ATP6V1D: variants seen among roughly 807,000 people sequenced by gnomAD.
The protein encoded by ATP6V1D is V-type proton ATPase subunit D.
A neutral mutation model predicts 39.4 loss-of-function variants in ATP6V1D; 20 were observed. The ratio of observed to expected loss-of-function variants is 0.51; its 90% CI spans 0.36 to 0.74. ATP6V1D has a LOEUF of 0.74. Among genes scored for constraint, ATP6V1D ranks in the 30% least tolerant of loss-of-function variants. The pLI is 0.00. For missense variants in ATP6V1D, 228 were observed against 291.6 expected (o/e 0.78, Z 1.59); for synonymous variants, 100 against 100.5 (o/e 0.99, Z 0.03).
chr14:67,342,766 C>T (rs976445797), intron 7 of ATP6V1D, among the ~76,000 whole-genome samples: 1 of 151,290 alleles, frequency 6.6e-6, no homozygotes, highest in African/African-American at 2.4e-5. Flanking sequence ...ATATTTCTCA[C>T]TAGCATTAAT....
chr14:67,359,516 G>T, intron 1 of ATP6V1D, 142 bp downstream of exon 1: 2 of 881,228 alleles, frequency 2.3e-6, no homozygotes, highest in Non-Finnish European at 3.4e-6. Context: ...AGGAAGCCTC[G>T]CCCTAGACTC....
intron 1 of ATP6V1D, 136 bp downstream of exon 1, chr14:67,359,522 G>C (rs1000571710): frequency 6.0e-5 from 58 of 960,620 alleles, no homozygotes; most frequent in Non-Finnish European, 7.7e-6. Context: ...CCTCGCCCTA[G>C]ACTCAAGAAA....
chr14:67,350,468 T>C (rs2085648499), intron 3 of ATP6V1D, 143 bp downstream of exon 3: 1 of 596,810 alleles, frequency 1.7e-6, no homozygotes, highest in South Asian at 2.5e-5. Flanking sequence ...GTTAAGGTGA[T>C]GGGGTTAAAA....
chr14:67,344,946 C>T (rs1416907976), intron 6 of ATP6V1D, among the ~76,000 whole-genome samples: 1 of 149,432 alleles, frequency 6.7e-6, no homozygotes, highest in Non-Finnish European at 1.5e-5. Flanking sequence ...ATTTTGTTAA[C>T]AAGAAGAAGC....
At position 67,355,449 on chromosome 14, in the gene ATP6V1D, CAAAAAAAA is replaced by C. The variant is rs564931669; in HGVS notation, c.42-2417_42-2410del. On this transcript the variant is annotated intron_variant, in intron 1 of 8. Transcript: ENST00000216442. ...AGGATGTAGAAGTAAGACCCTGTCT[CAAAAAAAA>C]AAAAAAAAAAAAAAAAAAAAAAAGA... 1.2e-3 allele frequency among the ~76,000 whole-genome samples: 22 copies of C among 18,954 alleles called. No homozygotes were observed. The South Asian group carries it at 0.017, about 15-fold the overall frequency. 12.4% of individuals were successfully genotyped at this position (18,954 alleles called of 152,430 possible).
intron 1 of ATP6V1D, among the ~76,000 whole-genome samples, 178 bp downstream of exon 1, chr14:67,359,480 C>T (rs1458722416): frequency 6.6e-6 from 1 of 152,122 alleles, no homozygotes; most frequent in Admixed American, 6.5e-5. Flanking sequence ...CTGATTCACT[C>T]AGGAGGAATG....
At chr14:67,338,875 G>T in intron 8 of ATP6V1D, 113 bp from the exon 9 acceptor site, 3 of 828,876 alleles carry the variant, frequency 3.6e-6, no homozygotes, top group South Asian at 3.1e-5. Context: ...AAAAAAACCT[G>T]GTACTTTTAT....
chr14:67,342,700 A>G (rs115166623), intron 7 of ATP6V1D, among the ~76,000 whole-genome samples: 4,388 of 150,540 alleles, frequency 0.029, 85 homozygotes, highest in Non-Finnish European at 0.036. Flanking sequence ...CAGTTAATAT[A>G]TTTCTAACAA....
In ATP6V1D at chr14:67,349,114, A is replaced by C. The variant is rs757823049; in HGVS notation, c.240-10T>G. The C allele has an allele frequency of 3.9e-5, 63 of 1,613,278 alleles. No homozygotes were observed. The Admixed American group carries it at 1.0e-3, about 26-fold the overall frequency. ...TTGGATAACTGTAGTGCTGCAGAAA[A>C]AGAGAAAGACTTTATTTAGCAGACT... On this transcript the variant is annotated splice_polypyrimidine_tract_variant and intron_variant, in intron 3 of 8. Transcript: ENST00000216442.
intron 4 of ATP6V1D, among the ~76,000 whole-genome samples, chr14:67,347,782 G>A (rs1285315739): frequency 2.0e-5 from 3 of 152,160 alleles, no homozygotes; most frequent in Non-Finnish European, 2.9e-5. Flanking sequence ...TTACAGGTAT[G>A]AGCCACCGCG....
At chr14:67,345,677 G>A (rs2085615014) in intron 6 of ATP6V1D, 91 bp downstream of exon 6, 2 of 782,500 alleles carry the variant, frequency 2.6e-6, no homozygotes, top group Admixed American at 4.3e-5. Context: ...AAAGTACAAA[G>A]CACAGTATAT....
chr14:67,349,456 T>G (rs1417134114), intron 3 of ATP6V1D, among the ~76,000 whole-genome samples: 3 of 152,252 alleles, frequency 2.0e-5, no homozygotes, highest in Non-Finnish European at 4.4e-5. Flanking sequence ...GGTTTGCTAT[T>G]GAATTGGTTA....
rs188524727 is a variant in ATP6V1D, at chr14:67,351,449, A to C, written c.160-759T>G. On this transcript the variant is annotated intron_variant, in intron 2 of 8. Transcript: ENST00000216442. ...CTTTTCTAAGCCTTATATGTAACTC[A>C]GAAGCTATATAAAGAAAAAGACCAA... Among the ~76,000 whole-genome samples the C allele has an allele frequency of 6.6e-5, 10 of 152,348 alleles. No individual in the cohort carries two copies. In the East Asian group the frequency reaches 1.9e-3, roughly 29 times the overall value.
chr14:67,338,741 C>A lies in ATP6V1D; in HGVS notation c.624G>T (p.Lys208Asn). Reference sequence around the variant, plus strand: ...CAGATTTTTCCTTTAGAATCTTTTTCTTCTCTTGTATTTTCTTTAACCTGT... The same window carrying A: ...CAGATTTTTCCTTTAGAATCTTTTTATTCTCTTGTATTTTCTTTAACCTGT... ...EFYRLKKIQEKKKILKEKSEK... is the reference protein window; with the variant it reads ...EFYRLKKIQENKKILKEKSEK... The change falls in exon 9 of 9, where the codon AAG becomes AAT. Residue 208 changes from lysine to asparagine, a missense_variant. Lys to Asn is a moderately conservative substitution (Grantham distance 94). Around this residue, in one of 3 missense-constraint regions of ATP6V1D, gnomAD observed 114 missense variants for 128.3 expected, o/e 0.89. Transcript: ENST00000216442. The A allele has an allele frequency of 6.2e-7, 1 of 1,612,834 alleles. No homozygotes were observed. Among genetic ancestry groups the A allele is most frequent in the Admixed American group, 1.7e-5 (1 of 59,968 alleles).
intron 7 of ATP6V1D, among the ~76,000 whole-genome samples, chr14:67,341,514 G>A (rs543027228): frequency 6.6e-6 from 1 of 151,324 alleles, no homozygotes; most frequent in Non-Finnish European, 1.5e-5. Flanking sequence ...AGGGAGGTGG[G>A]GGGGGTCAGC....
chr14:67,347,500 C>A, intron 4 of ATP6V1D, 47 bp from the exon 5 acceptor site: 3 of 1,300,808 alleles, frequency 2.3e-6, no homozygotes, highest in East Asian at 2.7e-5. Context: ...TTTAAGTTCT[C>A]TCTTTTTTTT....
Position 67,353,042 on chromosome 14 carries a change from TATATAAAC to T in ATP6V1D, c.42-10_42-3del, listed in dbSNP as rs780000271. On this transcript the variant is annotated splice_region_variant and splice_polypyrimidine_tract_variant and intron_variant, in intron 1 of 8. Transcript: ENST00000216442. The stretch of plus-strand genomic sequence containing the variant: ...CGAGCCTTCATGATGGTCTGTGCCC[TATATAAAC>T]ATAAACAAAGTTAAGACATCTATTC... 1 of 1,596,018 alleles carries T rather than the reference TATATAAAC, an allele frequency of 6.3e-7. No homozygotes were observed. The highest frequency in any genetic ancestry group is 8.5e-7 in the Non-Finnish European group (1 of 1,171,660).
At chr14:67,354,400 A>T (rs2085672804) in intron 1 of ATP6V1D, among the ~76,000 whole-genome samples, 1 of 152,166 alleles carries the variant, frequency 6.6e-6, no homozygotes, top group Non-Finnish European at 1.5e-5. Context: ...CTATCCACTA[A>T]TATATATCAA....
In ATP6V1D at chr14:67,359,736, C is replaced by A; in HGVS notation, c.-38G>T. 1.2e-6 allele frequency: 2 copies of A among 1,612,600 alleles called. No individual in the cohort carries two copies. ...TTTTCGGCTCGGGTCCCCGGCCGGG[C>A]AACCGAGGCTGCAATAGCTCCAGAA... On this transcript the variant is annotated 5_prime_UTR_variant, in exon 1 of 9. Coordinates refer to ENST00000216442, the MANE Select transcript of ATP6V1D (RefSeq NM_015994.4).
Sources: allele counts gnomAD v4.1 joint callset (sites outside exome capture counted in the v4.1 genomes callset), GRCh38; gene constraint gnomAD v4.1.1; regional missense constraint gnomAD v4.1.1; transcripts MANE v1.5; gene names NCBI Gene and HGNC (gene_info 2026-07-23, HGNC 2026-07-21).